Variants in L3MBTL4 observed in about 807,000 individuals in gnomAD.
L3MBTL4 encodes L3MBTL histone methyl-lysine binding protein 4.
A neutral mutation model predicts 84.5 loss-of-function variants in L3MBTL4; 70 were observed. The observed-to-expected ratio is 0.83, with a 90% confidence interval of 0.68 to 1.01. L3MBTL4 has a LOEUF of 1.01. L3MBTL4 is among the 50% of genes least tolerant of loss of function. The pLI is 0.00. For missense variants in L3MBTL4, 715 were observed against 754.8 expected (o/e 0.95, Z 0.62); for synonymous variants, 274 against 259.8 (o/e 1.05, Z -0.52).
chr18:6,088,231 G>T (rs951151480), intron 15 of L3MBTL4, among the ~76,000 whole-genome samples: 2 of 152,156 alleles, frequency 1.3e-5, no homozygotes, highest in Admixed American at 6.5e-5. Flanking sequence ...CCTTAGCAAG[G>T]ATAGGACTGG....
At chr18:5,988,324 GGATAACAGATCATGA>G (rs2053550366) in intron 16 of L3MBTL4, among the ~76,000 whole-genome samples, 1 of 152,232 alleles carries the variant, frequency 6.6e-6, no homozygotes, top group South Asian at 2.1e-4. Context: ...TTAGGCTATG[GGATAACAGATCATGA>G]GATAAAAACA....
chr18:6,400,555 G>T (rs998646589), intron 1 of L3MBTL4, among the ~76,000 whole-genome samples: 1 of 152,104 alleles, frequency 6.6e-6, no homozygotes, highest in Admixed American at 6.5e-5. Flanking sequence ...GACTACAGGC[G>T]CATGCCACCA....
chr18:5,972,350 A>AT (rs1298334716), intron 16 of L3MBTL4, among the ~76,000 whole-genome samples: 2 of 152,198 alleles, frequency 1.3e-5, no homozygotes, highest in Non-Finnish European at 2.9e-5. Context: ...GAGTCCCTGG[A>AT]TAGGGAATCT....
At chr18:6,216,051 C>T (rs1463716809) in intron 10 of L3MBTL4, among the ~76,000 whole-genome samples, 3 of 152,170 alleles carry the variant, frequency 2.0e-5, no homozygotes, top group African/African-American at 7.2e-5. Context: ...CCATGGTACT[C>T]TCATTCACTC....
chr18:6,225,956 C>T (rs1042798158), intron 10 of L3MBTL4, among the ~76,000 whole-genome samples: 1 of 151,944 alleles, frequency 6.6e-6, no homozygotes, highest in Non-Finnish European at 1.5e-5. Flanking sequence ...TGCATTTCCA[C>T]CAAATTTAAG....
At chr18:6,254,598 A>T (rs1208750436) in intron 5 of L3MBTL4, among the ~76,000 whole-genome samples, 1 of 152,108 alleles carries the variant, frequency 6.6e-6, no homozygotes, top group African/African-American at 2.4e-5. Flanking sequence ...TTTTTCATAG[A>T]TTAATTCTGA....
chr18:6,274,328 C>T (rs915880298), intron 4 of L3MBTL4, among the ~76,000 whole-genome samples: 4 of 152,178 alleles, frequency 2.6e-5, no homozygotes, highest in African/African-American at 7.2e-5. Context: ...TCTGATGCAG[C>T]TAACTTTAAG....
At chr18:6,338,813 C>T (rs952552190) in intron 1 of L3MBTL4, among the ~76,000 whole-genome samples, 1 of 151,762 alleles carries the variant, frequency 6.6e-6, no homozygotes, top group African/African-American at 2.4e-5. Flanking sequence ...AAAAGACATA[C>T]CATGAAAAAA....
rs117572338 is a variant in L3MBTL4 at position 5,974,044 on chromosome 18, C to T, written c.1445-4482G>A. Among the ~76,000 whole-genome samples, 28 of 152,288 alleles carry T rather than the reference C, an allele frequency of 1.8e-4. 1 individual carries two copies. In the East Asian group the frequency reaches 2.3e-3, roughly 13 times the overall value. ...GTGACAATAAATAAAGATGTCCTTA[C>T]GTGTAGGATGCCTTCTCCTTCTAGA... On this transcript the variant is annotated intron_variant, in intron 16 of 18. Coordinates refer to ENST00000317931, the MANE Select transcript of L3MBTL4 (RefSeq NM_001330559.2).
chr18:5,987,790 A>G (rs1458824873), intron 16 of L3MBTL4, among the ~76,000 whole-genome samples: 1 of 152,220 alleles, frequency 6.6e-6, no homozygotes, highest in South Asian at 2.1e-4. Flanking sequence ...AAGTGAACTG[A>G]TAAACTGGGA....
At position 6,116,077 on chromosome 18, in the gene L3MBTL4, T is replaced by C. The variant is rs1243027181; in HGVS notation, c.1199+22117A>G. ...AGAACAACAAGAGAAGGCAAGATCA[T>C]AGAAAGCTGGACAGAGATGCTCTAA... On this transcript the variant is annotated intron_variant, in intron 14 of 18. Coordinates refer to ENST00000317931, the MANE Select transcript of L3MBTL4 (RefSeq NM_001330559.2). 2.6e-5 allele frequency among the ~76,000 whole-genome samples: 4 copies of C among 152,222 alleles called. 1 individual carries two copies. The highest frequency in any genetic ancestry group is 7.2e-5 in the African/African-American group (3 of 41,546).
chr18:6,258,065 G>C (rs1306179686), intron 5 of L3MBTL4, among the ~76,000 whole-genome samples: 3 of 152,220 alleles, frequency 2.0e-5, no homozygotes, highest in African/African-American at 7.2e-5. Flanking sequence ...AGGTGCAGGA[G>C]GCTGGAGAGA....
At chr18:6,292,831 C>G (rs574252684) in intron 4 of L3MBTL4, among the ~76,000 whole-genome samples, 1 of 151,988 alleles carries the variant, frequency 6.6e-6, no homozygotes, top group Non-Finnish European at 1.5e-5. Flanking sequence ...CGTGCCATAA[C>G]CTGCAACCAG....
intron 13 of L3MBTL4, among the ~76,000 whole-genome samples, chr18:6,166,164 C>T (rs1249733523): frequency 6.6e-6 from 1 of 152,156 alleles, no homozygotes; most frequent in African/African-American, 2.4e-5. Flanking sequence ...TACAGGAGCA[C>T]CCAGATTCAT....
chr18:6,060,509 C>T (rs1258686847), intron 16 of L3MBTL4, among the ~76,000 whole-genome samples: 1 of 151,682 alleles, frequency 6.6e-6, no homozygotes, highest in African/African-American at 2.4e-5. Context: ...ACCCCTAATC[C>T]CATGTCTTCC....
At chr18:6,307,275 A>G (rs1019739765) in intron 3 of L3MBTL4, among the ~76,000 whole-genome samples, 1 of 140,360 alleles carries the variant, frequency 7.1e-6, no homozygotes, top group Non-Finnish European at 1.6e-5. Flanking sequence ...TATTAAAAAT[A>G]CAAAAAAAAA....
At chr18:6,395,872 C>T (rs948674936) in intron 1 of L3MBTL4, 6 of 152,106 alleles carry the variant, frequency 3.9e-5, no homozygotes, top group Non-Finnish European at 8.8e-5. Flanking sequence ...GATTCTTTCC[C>T]AATGTCTTAA....
chr18:6,318,517 A>AAAAAAAAAAAAAAC (rs1568484470), intron 1 of L3MBTL4, among the ~76,000 whole-genome samples: 7 of 146,302 alleles, frequency 4.8e-5, no homozygotes, highest in African/African-American at 1.3e-4. Context: ...AAAAAAAAAA[A>AAAAAAAAAAAAAAC]AAAAAAAAGA....
rs60294342 is a variant in L3MBTL4, at chr18:6,004,997, A to ATTTTTTTTTTTTTTTTT, written c.1445-35452_1445-35436dup. On this transcript the variant is annotated intron_variant, in intron 16 of 18. Transcript: ENST00000317931. ...ACACATAAAAATGGTTAAGATGATA[A>ATTTTTTTTTTTTTTTTT]TTTTTTTTTTTTTTTTTTTTTTTTT... Among the ~76,000 whole-genome samples, 134 of 52,158 alleles carry ATTTTTTTTTTTTTTTTT rather than the reference A, an allele frequency of 2.6e-3. 10 individuals carry two copies. The highest frequency in any genetic ancestry group is 3.5e-3 in the Non-Finnish European group (102 of 28,964). 34.2% of individuals were successfully genotyped at this position (52,158 alleles called of 152,430 possible). A position where few individuals can be genotyped will look rare whatever the true frequency, so the allele number is the denominator to read the frequency against.
Sources: allele counts gnomAD v4.1 joint callset (sites outside exome capture counted in the v4.1 genomes callset), GRCh38; gene constraint gnomAD v4.1.1; transcripts MANE v1.5; gene names NCBI Gene and HGNC (gene_info 2026-07-23, HGNC 2026-07-21).